The following RIC1 variants were observed in gnomAD, a reference collection of about 807,000 sequenced individuals.
The protein encoded by RIC1 is guanine nucleotide exchange factor subunit RIC1.
RIC1 carries 88 observed loss-of-function variants against 169.0 expected under a neutral mutation model. That is an observed-to-expected ratio of 0.52 (90% CI 0.44 to 0.62). The LOEUF (loss-of-function observed/expected upper bound fraction) is 0.62. RIC1 is among the 20% of genes least tolerant of loss of function. The pLI, the probability that RIC1 is intolerant of heterozygous loss-of-function variation, is 0.00. For synonymous variants in RIC1, 790 were observed against 601.5 expected, an observed-to-expected ratio of 1.31 and a Z score of -4.59; for missense variants, 1,877 against 1,725.5, an observed-to-expected ratio of 1.09 and a Z score of -1.56.
At chr9:5,722,205 CTT>C (rs77698349) in intron 6 of RIC1, among the ~76,000 whole-genome samples, 3 of 124,762 alleles carry the variant, frequency 2.4e-5, no homozygotes, top group African/African-American at 3.0e-5. Flanking sequence ...TCTTCTTCTT[CTT>C]TTTTTTTTTT....
intron 1 of RIC1, among the ~76,000 whole-genome samples, chr9:5,634,259 G>A (rs1817863811): frequency 6.6e-6 from 1 of 152,182 alleles, no homozygotes; most frequent in Non-Finnish European, 1.5e-5. Flanking sequence ...CTAGAAGTAG[G>A]ATTGTTGGAT....
intron 2 of RIC1, among the ~76,000 whole-genome samples, chr9:5,673,555 T>TATATATATATATATATATAA (rs1233980958): frequency 6.9e-6 from 1 of 144,392 alleles, no homozygotes; most frequent in Non-Finnish European, 1.5e-5. Context: ...TATATATATA[T>TATATATATATATATATATAA]ATAAATAAAT....
intron 10 of RIC1, among the ~76,000 whole-genome samples, chr9:5,744,765 C>T (rs1444415044): frequency 2.0e-5 from 3 of 152,168 alleles, no homozygotes; most frequent in South Asian, 2.1e-4. Context: ...GAGGCTTAAC[C>T]TGTATTTTTA....
chr9:5,659,339 C>T (rs756528018), intron 2 of RIC1, among the ~76,000 whole-genome samples: 50 of 152,172 alleles, frequency 3.3e-4, no homozygotes, highest in Non-Finnish European at 5.9e-4. Flanking sequence ...TGGAATCCTC[C>T]AATTTTATTG....
chr9:5,744,116 G>GT (rs149478716), intron 10 of RIC1, among the ~76,000 whole-genome samples: 8 of 150,766 alleles, frequency 5.3e-5, no homozygotes, highest in South Asian at 2.1e-4. Context: ...AAAGTCTTTT[G>GT]TTTTTTTTTA....
intron 2 of RIC1, among the ~76,000 whole-genome samples, chr9:5,673,559 A>AT (rs1554663256): frequency 4.4e-4 from 41 of 92,654 alleles, no homozygotes; most frequent in African/African-American, 9.5e-4. Context: ...TATATATATA[A>AT]ATAAATGTTG....
chr9:5,693,148 A>T (rs2130728199), intron 3 of RIC1, among the ~76,000 whole-genome samples: 1 of 152,276 alleles, frequency 6.6e-6, no homozygotes, highest in Non-Finnish European at 1.5e-5. Context: ...CCTGAAGAAT[A>T]GAGGCAGTAT....
chr9:5,753,027 A>G (rs1051757720), intron 12 of RIC1, among the ~76,000 whole-genome samples, 173 bp from the exon 13 acceptor site: 1 of 152,234 alleles, frequency 6.6e-6, no homozygotes, highest in Non-Finnish European at 1.5e-5. Flanking sequence ...GAAATAACGT[A>G]AGATGTAAAA....
At chr9:5,701,128 C>T (rs1217691682) in intron 3 of RIC1, among the ~76,000 whole-genome samples, 3 of 152,166 alleles carry the variant, frequency 2.0e-5, no homozygotes, top group Non-Finnish European at 4.4e-5. Flanking sequence ...CTTGTTATCA[C>T]CCATTTGTGG....
chr9:5,658,676 G>C (rs952991634), intron 2 of RIC1, among the ~76,000 whole-genome samples: 10 of 152,056 alleles, frequency 6.6e-5, no homozygotes, highest in Non-Finnish European at 2.9e-5. Flanking sequence ...TAGTTGGACA[G>C]ATTTACAAAG....
At chr9:5,686,416 G>C (rs1313951733) in intron 2 of RIC1, among the ~76,000 whole-genome samples, 1 of 152,046 alleles carries the variant, frequency 6.6e-6, no homozygotes, top group African/African-American at 2.4e-5. Context: ...AGAAAATGTG[G>C]CACATATACA....
chr9:5,768,315 CAGG>C (rs1826940521), intron 21 of RIC1, among the ~76,000 whole-genome samples: 1 of 152,038 alleles, frequency 6.6e-6, no homozygotes, highest in Admixed American at 6.6e-5. Context: ...TGCTTGAGGC[CAGG>C]AGTTCAAGAT....
intron 1 of RIC1, among the ~76,000 whole-genome samples, chr9:5,635,762 G>T (rs60589442): frequency 5.3e-5 from 8 of 152,258 alleles, no homozygotes; most frequent in Middle Eastern, 3.4e-3. Flanking sequence ...GTTCTCACGA[G>T]ATCTGATGGT....
chr9:5,753,437 T>A (rs1825833806), intron 13 of RIC1, 99 bp from the exon 14 acceptor site: 1 of 837,854 alleles, frequency 1.2e-6, no homozygotes, highest in Admixed American at 2.6e-5. Context: ...TAGCAAACAT[T>A]TATTAATTGT....
At chr9:5,703,963 CT>C in intron 3 of RIC1, among the ~76,000 whole-genome samples, 1 of 152,128 alleles carries the variant, frequency 6.6e-6, no homozygotes, top group South Asian at 2.1e-4. Context: ...TTTTGAGAAA[CT>C]GCCAGACTGT....
At chr9:5,636,354 T>C (rs769267953) in intron 1 of RIC1, among the ~76,000 whole-genome samples, 1 of 152,192 alleles carries the variant, frequency 6.6e-6, no homozygotes, top group Non-Finnish European at 1.5e-5. Context: ...AGTCTCGCTC[T>C]TGTCACCGAG....
chr9:5,736,654 A>G (rs1340334799), intron 7 of RIC1, among the ~76,000 whole-genome samples: 2 of 152,302 alleles, frequency 1.3e-5, no homozygotes, highest in Non-Finnish European at 2.9e-5. Flanking sequence ...AAACTGAGAC[A>G]TGGAAGATAT....
At chr9:5,672,766 A>C (rs1234557399) in intron 2 of RIC1, among the ~76,000 whole-genome samples, 1 of 152,148 alleles carries the variant, frequency 6.6e-6, no homozygotes, top group Non-Finnish European at 1.5e-5. Context: ...TAATGAAAAA[A>C]CGTACATATC....
intron 2 of RIC1, among the ~76,000 whole-genome samples, chr9:5,673,934 T>C (rs60806621): frequency 0.013 from 1,928 of 152,248 alleles, 55 homozygotes; most frequent in African/African-American, 0.044. Context: ...TAAAACTGTA[T>C]GATAGCTTTA....
Sources: allele counts gnomAD v4.1 joint callset (sites outside exome capture counted in the v4.1 genomes callset), GRCh38; gene constraint gnomAD v4.1.1; transcripts MANE v1.5; gene names NCBI Gene and HGNC (gene_info 2026-07-23, HGNC 2026-07-21).